GFM1: variants seen among roughly 807,000 people sequenced by gnomAD.
GFM1 encodes elongation factor G, mitochondrial.
GFM1 carries 62 observed loss-of-function variants against 96.2 expected under a neutral mutation model. The observed-to-expected ratio is 0.64, with a 90% CI of 0.53 to 0.80. GFM1 has a LOEUF of 0.80. Among genes scored for constraint, GFM1 ranks in the 30% least tolerant of loss-of-function variants. GFM1 has a pLI of 0.00. For synonymous variants in GFM1, 282 were observed against 312.9 expected (o/e 0.90, Z 1.04); for missense variants, 852 against 916.6 (o/e 0.93, Z 0.91).
At chr3:158,669,377 T>C (rs1274902330) in intron 13 of GFM1, 3 of 1,503,918 alleles carry the variant, frequency 2.0e-6, no homozygotes, top group Non-Finnish European at 2.7e-6. Context: ...CACAGATAAT[T>C]GAGATTGATT....
At chr3:158,686,254 A>G (rs1725828342) in intron 15 of GFM1, among the ~76,000 whole-genome samples, 1 of 147,894 alleles carries the variant, frequency 6.8e-6, no homozygotes, top group Non-Finnish European at 1.5e-5. Context: ...ATAATATATG[A>G]TATATAAAGT....
chr3:158,686,709 A>C (rs1180041380), intron 15 of GFM1, among the ~76,000 whole-genome samples: 1 of 145,078 alleles, frequency 6.9e-6, no homozygotes, highest in Non-Finnish European at 1.5e-5. Flanking sequence ...ACTAGATTAT[A>C]ATTGAATTGA....
chr3:158,684,811 G>T (rs958431071), intron 15 of GFM1, 143 bp downstream of exon 15: 3 of 767,386 alleles, frequency 3.9e-6, no homozygotes, highest in Non-Finnish European at 6.6e-6. Context: ...AATCTTTATG[G>T]ACTTGAGATC....
chr3:158,695,465 T>C lies in GFM1; in HGVS notation c.*3998T>C, dbSNP rs1478339466. On this transcript the variant is annotated 3_prime_UTR_variant, in exon 18 of 18. Coordinates refer to ENST00000486715, the MANE Select transcript of GFM1 (RefSeq NM_024996.7). ...TTTTTAGTTGGTTTAACTTTTTGGG[T>C]TTTGTAAATTAATAAATTAGGTAAT... The C allele has an allele frequency of 2.6e-5, 4 of 152,136 alleles. No homozygotes were observed. Among genetic ancestry groups the C allele is most frequent in the African/African-American group, 9.7e-5 (4 of 41,432 alleles). 9.4% of individuals were successfully genotyped at this position (152,136 alleles called of 1,614,324 possible).
In GFM1 at chr3:158,665,420, CAA is replaced by C. The variant is rs746778765; in HGVS notation, c.1466_1467del (p.Lys489ArgfsTer47). 1.9e-6 allele frequency: 3 copies of C among 1,609,738 alleles called. No homozygotes were observed. In the African/African-American group the frequency reaches 4.0e-5, roughly 22 times the overall value. On this transcript the variant is annotated frameshift_variant, in exon 12 of 18. Transcript: ENST00000486715. LOFTEE classifies it high-confidence loss of function. ...TFKVYFDTEN[K>X]ETVISGMGEL... ...TTAAAGTATACTTTGACACTGAGAACAAAGAGACAGTTATATCTGGAATGGGA... is the reference window on the plus strand; with the variant it reads ...TTAAAGTATACTTTGACACTGAGAACAGAGACAGTTATATCTGGAATGGGA...
In GFM1 at chr3:158,666,331, T is replaced by C. The variant is rs1576757241; in HGVS notation, c.1546T>C (p.Cys516Arg). Residue 516 changes from cysteine (C) to arginine (R), a missense_variant, in exon 13 of 18, where the codon TGT becomes CGT. By Grantham distance (180) the Cys-to-Arg change is radical. Coordinates refer to ENST00000486715, the MANE Select transcript of GFM1 (RefSeq NM_024996.7). ...GCTGGAAAGAGAGTATGGCTGTCCT[T>C]GTATCACAGGAAAGCCAAAAGTTGC... ...QRLEREYGCP[C>R]ITGKPKVAFR... The C allele has an allele frequency of 6.2e-7, 1 of 1,613,424 alleles. No individual in the cohort carries two copies. Among genetic ancestry groups the C allele is most frequent in the Non-Finnish European group, 8.5e-7 (1 of 1,179,514 alleles).
At position 158,644,707 on chromosome 3, in the gene GFM1, A is replaced by G. The variant is rs1235026349; in HGVS notation, c.73A>G (p.Arg25Gly). Residue 25 changes from arginine to glycine, a missense_variant, in exon 1 of 18, where the codon AGG (arginine) becomes GGG (glycine). Transcript: ENST00000486715. Reference protein sequence around the residue: ...GRAPASLGWQRKQVNWKACRW... With the variant: ...GRAPASLGWQGKQVNWKACRW... Reference sequence around the variant, plus strand: ...GGCCCCCGCCTCCCTAGGCTGGCAGAGGAAGCAGGTACCGGAGCATAGAGA... The same window carrying G: ...GGCCCCCGCCTCCCTAGGCTGGCAGGGGAAGCAGGTACCGGAGCATAGAGA... 3 of 1,576,050 alleles carry G rather than the reference A, an allele frequency of 1.9e-6. No individual in the cohort carries two copies. The Admixed American group carries it at 5.7e-5, about 30-fold the overall frequency.
chr3:158,691,165 T>G lies in GFM1; in HGVS notation c.2097T>G (p.Tyr699Ter), dbSNP rs955729561. 1 of 1,612,448 alleles carries G rather than the reference T, an allele frequency of 6.2e-7. No individual in the cohort carries two copies. The highest frequency in any genetic ancestry group is 1.3e-5 in the African/African-American group (1 of 74,884). Residue 699 changes from tyrosine (Y) to a stop codon, truncating the protein, a stop_gained, in exon 17 of 18, where the codon TAT becomes TAG. Coordinates refer to ENST00000486715, the MANE Select transcript of GFM1 (RefSeq NM_024996.7). LOFTEE classifies it high-confidence loss of function. Reference sequence around the variant, plus strand: ...TCCCTCTAAATGATATGTTTGGTTATTCCACTGAACTTAGGTCATGCACAG... The same window carrying G: ...TCCCTCTAAATGATATGTTTGGTTAGTCCACTGAACTTAGGTCATGCACAG... ...ADVPLNDMFGYSTELRSCTEG... is the reference protein window; with the variant it reads ...ADVPLNDMFG
chr3:158,653,238 T>A, intron 6 of GFM1, 72 bp from the exon 7 acceptor site: 1 of 1,209,686 alleles, frequency 8.3e-7, no homozygotes, highest in South Asian at 1.3e-5. Context: ...TTTTATTCAT[T>A]TGTTTGTAGT....
intron 3 of GFM1, 21 bp from the exon 4 acceptor site, chr3:158,646,722 C>T: frequency 1.9e-6 from 3 of 1,602,068 alleles, no homozygotes; most frequent in Non-Finnish European, 2.6e-6. Flanking sequence ...TTAAGACCCT[C>T]TCATACTTCA....
chr3:158,674,738 G>A (rs554483187), intron 13 of GFM1, among the ~76,000 whole-genome samples: 25 of 152,106 alleles, frequency 1.6e-4, no homozygotes, highest in African/African-American at 4.8e-4. Context: ...GATAATTAGC[G>A]TTTTACAGTG....
At chr3:158,670,268 C>T (rs1425001679) in intron 13 of GFM1, among the ~76,000 whole-genome samples, 1 of 152,158 alleles carries the variant, frequency 6.6e-6, no homozygotes, top group Non-Finnish European at 1.5e-5. Context: ...ACTGAAAGAT[C>T]TTCATCTGAA....
intron 3 of GFM1, among the ~76,000 whole-genome samples, 165 bp from the exon 4 acceptor site, chr3:158,646,578 C>T (rs1721821021): frequency 6.6e-6 from 1 of 152,142 alleles, no homozygotes; most frequent in Non-Finnish European, 1.5e-5. Flanking sequence ...AGTGATCTTG[C>T]CAGGCCCTGC....
chr3:158,689,623 A>C (rs909098996), intron 15 of GFM1, among the ~76,000 whole-genome samples: 2 of 151,980 alleles, frequency 1.3e-5, no homozygotes, highest in Admixed American at 1.3e-4. Flanking sequence ...AAAAATACAA[A>C]AATTAGTGGT....
At chr3:158,649,249 CTTTTTGAAA>C in intron 5 of GFM1, 92 bp downstream of exon 5, 1 of 687,886 alleles carries the variant, frequency 1.5e-6, no homozygotes. Context: ...GAGTAACTAT[CTTTTTGAAA>C]TGCGACTGCA....
chr3:158,672,097 T>TTGTAACTG (rs1451101093), intron 13 of GFM1, among the ~76,000 whole-genome samples: 1 of 152,206 alleles, frequency 6.6e-6, no homozygotes, highest in Non-Finnish European at 1.5e-5. Flanking sequence ...TCCCGTTTTC[T>TTGTAACTG]TGTAACTGTG....
intron 13 of GFM1, among the ~76,000 whole-genome samples, chr3:158,679,674 G>T (rs923991011): frequency 1.1e-4 from 16 of 152,128 alleles, no homozygotes; most frequent in African/African-American, 3.9e-4. Flanking sequence ...CTGTGAGCCA[G>T]CCTCTTAGGT....
intron 5 of GFM1, 132 bp downstream of exon 5, chr3:158,649,289 T>G (rs1722102630): frequency 6.7e-6 from 4 of 598,028 alleles, no homozygotes; most frequent in Non-Finnish European, 9.0e-6. Context: ...GAGATGGTTT[T>G]GTTTTAATAC....
At chr3:158,647,781 ATCT>A (rs1208515985) in intron 4 of GFM1, among the ~76,000 whole-genome samples, 2 of 152,084 alleles carry the variant, frequency 1.3e-5, no homozygotes, top group Non-Finnish European at 2.9e-5. Context: ...TTTTCCCCAA[ATCT>A]TCTTCTGAAT....
Sources: allele counts gnomAD v4.1 joint callset (sites outside exome capture counted in the v4.1 genomes callset), GRCh38; gene constraint gnomAD v4.1.1; transcripts MANE v1.5; gene names NCBI Gene and HGNC (gene_info 2026-07-23, HGNC 2026-07-21).